The following ATRX variants were observed in gnomAD, a reference collection of about 807,000 sequenced individuals.
ATRX encodes the protein chromatin remodeler ATRX.
Under a neutral mutation model 172.6 loss-of-function variants are expected in ATRX, and 12 were observed. The observed-to-expected ratio is 0.07, with a 90% CI of 0.04 to 0.11. The LOEUF is 0.11. ATRX is among the 10% of genes least tolerant of loss of function. The probability of loss-of-function intolerance (pLI) is 1.00; values close to 1 mark genes in which losing one functional copy is unlikely to be tolerated. For synonymous variants in ATRX, 674 were observed against 594.7 expected (o/e 1.13, Z -1.94); for missense variants, 1,368 against 1,767.4 (o/e 0.77, Z 4.05).
chrX:77,692,805 C>T (rs1175771010), intron 6 of ATRX, among the ~76,000 whole-genome samples: 2 of 107,053 alleles, frequency 1.9e-5, no homozygotes, highest in Non-Finnish European at 3.9e-5. Context: ...TAAATGAATC[C>T]TTCTGATGCA....
intron 1 of ATRX, among the ~76,000 whole-genome samples, chrX:77,777,221 A>AAT (rs2076388424): frequency 2.0e-5 from 2 of 101,924 alleles, no homozygotes; most frequent in Admixed American, 1.1e-4. Context: ...AAAAAAAAAA[A>AAT]AATACAAAAA....
At chrX:77,595,042 T>C (rs782536803) in intron 25 of ATRX, 3 of 112,055 alleles carry the variant, frequency 2.7e-5, no homozygotes, top group Non-Finnish European at 5.6e-5. Context: ...GCTGAGTATA[T>C]TTTTCTTAAA....
At chrX:77,717,492 A>C (rs1230189244) in intron 1 of ATRX, among the ~76,000 whole-genome samples, 1 of 109,377 alleles carries the variant, frequency 9.1e-6, no homozygotes, top group South Asian at 4.0e-4. Context: ...GGTCTCAGCT[A>C]CTCAGGAGGC....
In ATRX at chrX:77,505,555, A is replaced by G. The variant is rs1557032584; in HGVS notation, c.*2796T>C. ...GATCTCCCTTTACAGAATTTAGTAT[A>G]TAACAGATTCAATAACCAAACTTCG... On this transcript the variant is annotated 3_prime_UTR_variant, in exon 35 of 35. Coordinates refer to ENST00000373344, the MANE Select transcript of ATRX (RefSeq NM_000489.6). The G allele has an allele frequency of 5.8e-6, 1 of 173,020 alleles. No individual in the cohort carries two copies. The highest frequency in any genetic ancestry group is 3.0e-5 in the African/African-American group (1 of 33,852). 14.3% of individuals were successfully genotyped at this position (173,020 alleles called of 1,213,427 possible).
In ATRX at chrX:77,633,593, C is replaced by G. The variant is rs2068210403; in HGVS notation, c.4929G>C (p.Glu1643Asp). 9 of 1,209,780 alleles carry G rather than the reference C, an allele frequency of 7.4e-6. No individual in the cohort carries two copies. Among genetic ancestry groups the G allele is most frequent in the Non-Finnish European group, 8.9e-6 (8 of 894,326 alleles). Residue 1643 changes from glutamate to aspartate, a missense_variant, in exon 18 of 35, where the codon GAG becomes GAC. This residue lies in a region of ATRX where 17 missense variants were observed against 22.8 expected (regional missense o/e 0.75). Coordinates refer to ENST00000373344, the MANE Select transcript of ATRX (RefSeq NM_000489.6). ...CAAGCTTCTCATCATCTTTTAATCC[C>G]TCTTGCCACTTCTCAAATTCATTCA... ...NWMNEFEKWQ[E>D]GLKDDEKLEV...
chrX:77,746,450 T>C (rs1321934640), intron 1 of ATRX, among the ~76,000 whole-genome samples: 1 of 111,857 alleles, frequency 8.9e-6, no homozygotes, highest in East Asian at 2.8e-4. Context: ...CCTAGATACA[T>C]GTAACCTAAC....
chrX:77,699,150 T>TA (rs1419056889), intron 2 of ATRX, among the ~76,000 whole-genome samples: 2 of 110,810 alleles, frequency 1.8e-5, no homozygotes, highest in Non-Finnish European at 3.8e-5. Context: ...CCTTTTTTTT[T>TA]AGAGATAGGG....
In ATRX at chrX:77,682,942, C is replaced by G. The variant is rs2071323783; in HGVS notation, c.2314G>C (p.Gly772Arg). Residue 772 changes from glycine (G) to arginine (R), a missense_variant, in exon 9 of 35, where the codon GGG becomes CGG. Transcript: ENST00000373344. The stretch of plus-strand genomic sequence containing the variant: ...TTCCTTTTTCCTTTATCATCTTTCC[C>G]CGCCTGAGTCTTTAAATCATACAAA... The part of the protein sequence containing the change: ...KTLYDLKTQA[G>R]KDDKGKRKRK... 5.8e-6 allele frequency: 7 copies of G among 1,210,355 alleles called. No individual in the cohort carries two copies. Among genetic ancestry groups the G allele is most frequent in the Non-Finnish European group, 7.8e-6 (7 of 894,713 alleles).
chrX:77,768,680 A>G (rs998336544), intron 1 of ATRX, among the ~76,000 whole-genome samples: 3 of 111,768 alleles, frequency 2.7e-5, no homozygotes, highest in Non-Finnish European at 5.6e-5. Context: ...GACAGAATAC[A>G]TAAGTGATAT....
chrX:77,517,470 A>G lies in ATRX; in HGVS notation c.7200+3318T>C, dbSNP rs1182148105. Among the ~76,000 whole-genome samples, 28 of 112,117 alleles carry G rather than the reference A, an allele frequency of 2.5e-4. No homozygotes were observed. In the Admixed American group the frequency reaches 2.6e-3, roughly 11 times the overall value. ...TCATACAATCTACCAAGATTGAAACATTAAGAAATCCAAAATCTGAACAGA... is the reference window on the plus strand; with the variant it reads ...TCATACAATCTACCAAGATTGAAACGTTAAGAAATCCAAAATCTGAACAGA... On this transcript the variant is annotated intron_variant, in intron 34 of 34. Coordinates refer to ENST00000373344, the MANE Select transcript of ATRX (RefSeq NM_000489.6).
rs1372845752 is a variant in ATRX, at chrX:77,522,312, A to C, written c.6926T>G (p.Ile2309Ser). 8.3e-7 allele frequency: 1 copy of C among 1,208,716 alleles called. No homozygotes were observed. The highest frequency in any genetic ancestry group is 1.1e-6 in the Non-Finnish European group (1 of 894,222). Reference sequence around the variant, plus strand: ...TGACAGGGCTCCCAAATTGAAAGGAATATAAGGAGTTTGAGAGTTGAAACT... The same window carrying C: ...TGACAGGGCTCCCAAATTGAAAGGACTATAAGGAGTTTGAGAGTTGAAACT... ...PVSFNSQTPY[I>S]PFNLGALSAM... The change falls in exon 32 of 35, where the codon ATT becomes AGT. Residue 2309 changes from isoleucine to serine, a missense_variant. Physicochemically the swap from Ile to Ser is moderately radical, Grantham distance 142 (BLOSUM62 -2). Around this residue, in one of 17 missense-constraint regions of ATRX, gnomAD observed 100 missense variants for 153.9 expected, o/e 0.65. Coordinates refer to ENST00000373344, the MANE Select transcript of ATRX (RefSeq NM_000489.6).
At chrX:77,615,916 A>C in intron 22 of ATRX, 1 of 737,255 alleles carries the variant, frequency 1.4e-6, no homozygotes, top group Non-Finnish European at 1.6e-6. Flanking sequence ...GGGGAAAGGT[A>C]CCAGAATAAG....
rs2148670017 is a variant in ATRX at position 77,693,947 on chromosome X, T to C, written c.371-10A>G. On this transcript the variant is annotated splice_polypyrimidine_tract_variant and intron_variant, in intron 5 of 34. Transcript: ENST00000373344. ...TGTACAATCACTGTACCTAGAATGATTTCATTTAAAAAACCATTACACATA... is the reference window on the plus strand; with the variant it reads ...TGTACAATCACTGTACCTAGAATGACTTCATTTAAAAAACCATTACACATA... 1 of 1,160,809 alleles carries C rather than the reference T, an allele frequency of 8.6e-7. No homozygotes were observed. The highest frequency in any genetic ancestry group is 1.2e-6 in the Non-Finnish European group (1 of 850,298).
At chrX:77,551,814 T>C (rs1455548306) in intron 30 of ATRX, among the ~76,000 whole-genome samples, 1 of 112,022 alleles carries the variant, frequency 8.9e-6, no homozygotes, top group Non-Finnish European at 1.9e-5. Flanking sequence ...GTGAAGGGTA[T>C]GAACAGACAC....
At chrX:77,753,150 T>A (rs1557188406) in intron 1 of ATRX, among the ~76,000 whole-genome samples, 1 of 111,413 alleles carries the variant, frequency 9.0e-6, no homozygotes, top group Non-Finnish European at 1.9e-5. Flanking sequence ...TCAGAACTTG[T>A]TATTGGTCTA....
At chrX:77,544,682 C>G (rs1202258364) in intron 30 of ATRX, among the ~76,000 whole-genome samples, 1 of 107,735 alleles carries the variant, frequency 9.3e-6, no homozygotes, top group Non-Finnish European at 1.9e-5. Context: ...GTTTTTTGTT[C>G]TTGCGATAGT....
chrX:77,522,420 T>C (rs1482858108), intron 31 of ATRX, 32 bp from the exon 32 acceptor site: 9 of 1,201,447 alleles, frequency 7.5e-6, no homozygotes, highest in Non-Finnish European at 7.9e-6. Context: ...ACTTTTCACA[T>C]TGTGATTTAA....
chrX:77,784,370 CT>C (rs1373577901), intron 1 of ATRX, among the ~76,000 whole-genome samples: 1 of 112,336 alleles, frequency 8.9e-6, no homozygotes, highest in African/African-American at 3.2e-5. Flanking sequence ...AAAACTGACC[CT>C]TGTGTAAAAT....
chrX:77,715,949 C>T (rs1225174208), intron 2 of ATRX, among the ~76,000 whole-genome samples: 2 of 108,977 alleles, frequency 1.8e-5, no homozygotes, highest in Non-Finnish European at 3.8e-5. Flanking sequence ...CCTGAAAATG[C>T]TAACTGTCAC....
Sources: allele counts gnomAD v4.1 joint callset (sites outside exome capture counted in the v4.1 genomes callset), GRCh38; gene constraint gnomAD v4.1.1; regional missense constraint gnomAD v4.1.1; transcripts MANE v1.5; gene names NCBI Gene and HGNC (gene_info 2026-07-23, HGNC 2026-07-21).